The following LRBA variants were observed in gnomAD, a reference collection of about 807,000 sequenced individuals.
LRBA encodes LPS responsive beige-like anchor protein, also known as lipopolysaccharide-responsive and beige-like anchor protein.
Under a neutral mutation model 330.0 loss-of-function variants are expected in LRBA, and 176 were observed. The observed-to-expected ratio is 0.53, with a 90% CI of 0.47 to 0.60. The LOEUF is 0.60. Ranked by LOEUF, LRBA falls within the 20% of genes least tolerant of loss-of-function variation. The pLI is 0.00. For missense variants in LRBA, 3,259 were observed against 3,444.8 expected, an observed-to-expected ratio of 0.95 and a Z score of 1.35; for synonymous variants, 1,230 against 1,193.0, an observed-to-expected ratio of 1.03 and a Z score of -0.64.
chr4:150,856,083 A>G (rs1041150596), intron 22 of LRBA, among the ~76,000 whole-genome samples: 7 of 152,206 alleles, frequency 4.6e-5, no homozygotes, highest in African/African-American at 1.7e-4. Flanking sequence ...ATATTTTTCA[A>G]TTCTAAGCTC....
intron 11 of LRBA, among the ~76,000 whole-genome samples, chr4:150,906,736 C>T (rs1280425774): frequency 6.6e-6 from 1 of 152,066 alleles, no homozygotes; most frequent in Non-Finnish European, 1.5e-5. Context: ...TACACTAAGG[C>T]CTTAAAGAAC....
chr4:150,594,648 T>C (rs1773288495), intron 38 of LRBA, among the ~76,000 whole-genome samples: 1 of 152,098 alleles, frequency 6.6e-6, no homozygotes, highest in Admixed American at 6.6e-5. Context: ...TATTCTAGTT[T>C]AATATTTATC....
chr4:150,604,436 T>A (rs1180803086), intron 37 of LRBA, among the ~76,000 whole-genome samples: 1 of 152,096 alleles, frequency 6.6e-6, no homozygotes, highest in East Asian at 1.9e-4. Flanking sequence ...AGTTTAGATT[T>A]TTTGAAACCC....
At chr4:150,482,906 T>A (rs942785394) in intron 42 of LRBA, among the ~76,000 whole-genome samples, 1 of 152,048 alleles carries the variant, frequency 6.6e-6, no homozygotes, top group South Asian at 2.1e-4. Context: ...TTCCTACATA[T>A]CCTGGATGTA....
At chr4:150,674,190 T>C (rs907376407) in intron 37 of LRBA, among the ~76,000 whole-genome samples, 12 of 131,100 alleles carry the variant, frequency 9.2e-5, no homozygotes, top group Admixed American at 4.5e-4. Flanking sequence ...GGTTTTGGGG[T>C]TTTTTTTTTG....
Position 150,583,057 on chromosome 4 carries a change from T to C in LRBA, c.6330+4991A>G. 1 of 1,609,008 alleles carries C rather than the reference T, an allele frequency of 6.2e-7. No homozygotes were observed. The highest frequency in any genetic ancestry group is 8.5e-7 in the Non-Finnish European group (1 of 1,176,876). The stretch of plus-strand genomic sequence containing the variant: ...GATCGCCGCTCAGGCCAAGCTGGTT[T>C]ACCAGCTCAATAAGTACTACACTGA... On this transcript the variant is annotated intron_variant, in intron 40 of 56. Coordinates refer to ENST00000651943, the MANE Select transcript of LRBA (RefSeq NM_001364905.1). This position sits in a 1 kb window ranked among gnomAD's most constrained non-coding sequence, Gnocchi z 9.8.
intron 53 of LRBA, among the ~76,000 whole-genome samples, chr4:150,299,059 A>C (rs1729324923): frequency 6.6e-6 from 1 of 152,048 alleles, no homozygotes; most frequent in African/African-American, 2.4e-5. Flanking sequence ...TTATTTATCA[A>C]TGGAATGCAC....
chr4:150,771,488 T>C (rs1303551999), intron 34 of LRBA, among the ~76,000 whole-genome samples: 1 of 152,296 alleles, frequency 6.6e-6, no homozygotes, highest in East Asian at 1.9e-4. Context: ...TGAAGGTTGA[T>C]AAAGCATTCT....
chr4:150,909,558 T>C (rs1731733963), intron 9 of LRBA, among the ~76,000 whole-genome samples: 1 of 152,138 alleles, frequency 6.6e-6, no homozygotes. Flanking sequence ...GTTACTTCTA[T>C]CTCTGGGTTA....
In LRBA at chr4:150,509,840, G is replaced by A. The variant is rs551322923; in HGVS notation, c.6331-18805C>T. On this transcript the variant is annotated intron_variant, in intron 40 of 56. Coordinates refer to ENST00000651943, the MANE Select transcript of LRBA (RefSeq NM_001364905.1). ...CTTTGATGCGATGAACAGATCTCTT[G>A]AAAGACACAAACTTGGCCAGGTCCT... Among the ~76,000 whole-genome samples the A allele has an allele frequency of 5.3e-5, 8 of 152,282 alleles. No homozygotes were observed. The South Asian group carries it at 1.7e-3, about 32-fold the overall frequency.
chr4:150,447,599 C>T (rs996300473), intron 44 of LRBA, among the ~76,000 whole-genome samples: 1 of 152,144 alleles, frequency 6.6e-6, no homozygotes, highest in African/African-American at 2.4e-5. Flanking sequence ...CTCAGCCTCC[C>T]TAATCACATC....
At chr4:150,690,230 G>A (rs926277553) in intron 36 of LRBA, among the ~76,000 whole-genome samples, 2 of 152,024 alleles carry the variant, frequency 1.3e-5, no homozygotes, top group Non-Finnish European at 2.9e-5. Context: ...TAGGCCGGGC[G>A]CTGTGGCTCA....
At chr4:150,598,982 G>A in intron 38 of LRBA, 25 bp downstream of exon 38, 2 of 1,612,720 alleles carry the variant, frequency 1.2e-6, no homozygotes, top group Non-Finnish European at 1.7e-6. Flanking sequence ...TGCTGCTATT[G>A]GCAAGGAATG....
intron 35 of LRBA, among the ~76,000 whole-genome samples, chr4:150,754,274 T>A: frequency 6.9e-6 from 1 of 144,470 alleles, no homozygotes; most frequent in African/African-American, 2.9e-5. Flanking sequence ...AAGAAACATA[T>A]GCTTATCCTA....
At chr4:150,318,067 C>T (rs1272404638) in intron 50 of LRBA, among the ~76,000 whole-genome samples, 28 of 152,240 alleles carry the variant, frequency 1.8e-4, no homozygotes, top group Non-Finnish European at 2.9e-5. Context: ...CCAGGGAGCT[C>T]GCCTTATTCT....
chr4:150,844,157 G>T lies in LRBA; in HGVS notation c.4512C>A (p.Asp1504Glu). Residue 1504 changes from aspartate to glutamate, a missense_variant, in exon 28 of 57, where the codon GAC (aspartate) becomes GAA (glutamate). Physicochemically the swap from Asp to Glu is conservative, Grantham distance 45. Coordinates refer to ENST00000651943, the MANE Select transcript of LRBA (RefSeq NM_001364905.1). ...TAATATCCATGTCCTGTAGAAGCCTGTCAAGATCTCTTACTGGAGATATAC... is the reference window on the plus strand; with the variant it reads ...TAATATCCATGTCCTGTAGAAGCCTTTCAAGATCTCTTACTGGAGATATAC... ...TGGISPVRDLDRLLQDMDINR... is the reference protein window; with the variant it reads ...TGGISPVRDLERLLQDMDINR... The T allele has an allele frequency of 6.2e-7, 1 of 1,611,754 alleles. No individual in the cohort carries two copies.
At chr4:150,999,570 ATTATTT>A (rs929708750) in intron 2 of LRBA, among the ~76,000 whole-genome samples, 38 of 152,078 alleles carry the variant, frequency 2.5e-4, no homozygotes, top group African/African-American at 9.2e-4. Flanking sequence ...GTCACTACTG[ATTATTT>A]TTAAGTTTCC....
chr4:150,323,877 T>C (rs955747448), intron 49 of LRBA, among the ~76,000 whole-genome samples: 3 of 152,192 alleles, frequency 2.0e-5, no homozygotes, highest in Admixed American at 2.0e-4. Flanking sequence ...TGGGTACCTC[T>C]GTGAGCCAAG....
At chr4:150,726,411 T>C (rs753631863) in intron 36 of LRBA, among the ~76,000 whole-genome samples, 68 of 152,198 alleles carry the variant, frequency 4.5e-4, no homozygotes, top group African/African-American at 1.6e-3. Flanking sequence ...GGTCATTATA[T>C]AGTGATAAAG....
Sources: gnomAD v4.1 joint callset for allele counts (sites outside exome capture counted in the v4.1 genomes callset) on GRCh38, gnomAD v4.1.1 for gene constraint, Gnocchi (gnomAD v3.1) non-coding constraint, MANE v1.5 for transcripts, NCBI Gene and HGNC (gene_info 2026-07-23, HGNC 2026-07-21) for gene names.